Variants in CDON observed in about 807,000 individuals in gnomAD.
CDON encodes the protein cell adhesion associated, oncogene regulated.
Under a neutral mutation model 120.9 loss-of-function variants are expected in CDON, and 73 were observed. The ratio of observed to expected loss-of-function variants is 0.60; its 90% CI spans 0.50 to 0.73. The LOEUF (loss-of-function observed/expected upper bound fraction) is 0.73. Among genes scored for constraint, CDON ranks in the 30% least tolerant of loss-of-function variants. The pLI is 0.00. For synonymous variants in CDON, 566 were observed against 573.5 expected (o/e 0.99, Z 0.19); for missense variants, 1,470 against 1,587.3 (o/e 0.93, Z 1.26).
chr11:125,991,764 T>G (rs1006465174), intron 14 of CDON, among the ~76,000 whole-genome samples: 1 of 152,098 alleles, frequency 6.6e-6, no homozygotes, highest in Non-Finnish European at 1.5e-5. Context: ...ATGCATAAAC[T>G]TGAAAATATA....
intron 1 of CDON, among the ~76,000 whole-genome samples, chr11:126,028,389 G>A (rs909977940): frequency 1.3e-5 from 2 of 150,356 alleles, no homozygotes; most frequent in African/African-American, 4.9e-5. Context: ...TTTTTGAGAT[G>A]GAATCTTGCT....
At chr11:125,966,700 A>G (rs1243031085) in intron 18 of CDON, among the ~76,000 whole-genome samples, 1 of 152,214 alleles carries the variant, frequency 6.6e-6, no homozygotes, top group African/African-American at 2.4e-5. Flanking sequence ...CAAAATACAA[A>G]GACAAAATCA....
chr11:126,058,368 C>A (rs989510954), intron 1 of CDON, among the ~76,000 whole-genome samples: 1 of 152,150 alleles, frequency 6.6e-6, no homozygotes, highest in Non-Finnish European at 1.5e-5. Context: ...GCTGTGAATG[C>A]GGACAGGCAC....
At chr11:126,044,001 C>T (rs926043080) in intron 1 of CDON, among the ~76,000 whole-genome samples, 1 of 152,176 alleles carries the variant, frequency 6.6e-6, no homozygotes, top group Non-Finnish European at 1.5e-5. Flanking sequence ...ATTTTTGGAT[C>T]ACAGAGATGA....
At chr11:125,971,879 C>T (rs148641289) in intron 18 of CDON, among the ~76,000 whole-genome samples, 1 of 152,218 alleles carries the variant, frequency 6.6e-6, no homozygotes, top group Admixed American at 6.5e-5. Flanking sequence ...ATTAAACTAG[C>T]CAAGCAACTG....
intron 10 of CDON, among the ~76,000 whole-genome samples, chr11:126,002,819 G>A (rs1946989389): frequency 6.6e-6 from 1 of 152,160 alleles, no homozygotes; most frequent in South Asian, 2.1e-4. Context: ...GCTGTGTGAT[G>A]TGGACACCCC....
intron 15 of CDON, among the ~76,000 whole-genome samples, chr11:125,988,210 T>C (rs898870046): frequency 5.9e-5 from 9 of 152,124 alleles, no homozygotes; most frequent in African/African-American, 2.2e-4. Context: ...TGGGAAGATC[T>C]AGTAGAGGAC....
At chr11:126,043,905 T>C (rs961919460) in intron 1 of CDON, among the ~76,000 whole-genome samples, 1 of 152,224 alleles carries the variant, frequency 6.6e-6, no homozygotes, top group African/African-American at 2.4e-5. Flanking sequence ...TGCTGATCAA[T>C]AAATTATGGT....
intron 1 of CDON, among the ~76,000 whole-genome samples, chr11:126,037,262 G>A (rs575080710): frequency 5.3e-5 from 8 of 151,988 alleles, no homozygotes; most frequent in East Asian, 1.9e-4. Context: ...CACCATGCTC[G>A]GCTAATTTTT....
intron 4 of CDON, 90 bp downstream of exon 4, chr11:126,019,529 A>G: frequency 1.4e-6 from 2 of 1,379,692 alleles, no homozygotes. Context: ...TTGTATCCAC[A>G]GTTCGTCCCT....
At chr11:125,980,208 C>G (rs75236566) in intron 17 of CDON, among the ~76,000 whole-genome samples, 5,520 of 152,222 alleles carry the variant, frequency 0.036, 299 homozygotes, top group African/African-American at 0.12. Flanking sequence ...GTGCAGAGAA[C>G]CCCACGTAAG....
At chr11:126,006,551 C>A (rs1168205536) in intron 8 of CDON, among the ~76,000 whole-genome samples, 1 of 151,988 alleles carries the variant, frequency 6.6e-6, no homozygotes, top group Non-Finnish European at 1.5e-5. Context: ...ACCTGTAGTC[C>A]CAGCTACTTG....
chr11:125,996,887 G>A (rs1335793209), intron 12 of CDON, among the ~76,000 whole-genome samples: 1 of 151,240 alleles, frequency 6.6e-6, no homozygotes, highest in Non-Finnish European at 1.5e-5. Context: ...CTAAAAATAT[G>A]CATCTGCCAG....
intron 1 of CDON, among the ~76,000 whole-genome samples, chr11:126,036,647 GTTTCT>G (rs1024839775): frequency 5.9e-5 from 9 of 152,194 alleles, no homozygotes; most frequent in African/African-American, 2.2e-4. Context: ...CAACATGAGG[GTTTCT>G]TTTGTTTTTA....
At chr11:126,054,024 A>G (rs1165525333) in intron 1 of CDON, among the ~76,000 whole-genome samples, 1 of 152,168 alleles carries the variant, frequency 6.6e-6, no homozygotes, top group Non-Finnish European at 1.5e-5. Flanking sequence ...TTCTGATGTC[A>G]CTACAATAAT....
At chr11:125,971,351 C>T (rs568097251) in intron 18 of CDON, among the ~76,000 whole-genome samples, 28 of 151,302 alleles carry the variant, frequency 1.9e-4, no homozygotes, top group African/African-American at 6.8e-4. Flanking sequence ...CCACTGCACT[C>T]CAGCCTGGGC....
chr11:125,961,142 A>T, intron 19 of CDON, 37 bp from the exon 20 acceptor site: 1 of 1,590,306 alleles, frequency 6.3e-7, no homozygotes, highest in Non-Finnish European at 8.6e-7. Context: ...TTATCAAATG[A>T]TAAAGGCTGA....
chr11:125,957,032 C>A lies in CDON; in HGVS notation c.*3910G>T. ...TTAGGGCAGTAAAACAAAACGTTTT[C>A]ACAAGGAGGCTAAATTTCTATCCTG... On this transcript the variant is annotated 3_prime_UTR_variant, in exon 20 of 20. Transcript: ENST00000531738. The A allele has an allele frequency of 5.1e-6, 1 of 195,328 alleles. No homozygotes were observed. The highest frequency in any genetic ancestry group is 1.8e-4 in the South Asian group (1 of 5,632). The allele number at this position is 195,328 out of a possible 1,614,324, so 12.1% of individuals were successfully genotyped here.
At chr11:125,990,987 C>T (rs1473123076) in intron 14 of CDON, among the ~76,000 whole-genome samples, 1 of 152,098 alleles carries the variant, frequency 6.6e-6, no homozygotes, top group Non-Finnish European at 1.5e-5. Flanking sequence ...AATCCAAAGG[C>T]TTTCCAAAAA....
Sources: allele counts gnomAD v4.1 joint callset (sites outside exome capture counted in the v4.1 genomes callset), GRCh38; gene constraint gnomAD v4.1.1; transcripts MANE v1.5; gene names NCBI Gene and HGNC (gene_info 2026-07-23, HGNC 2026-07-21).